Variants in THSD4 observed in about 807,000 individuals in gnomAD.
THSD4 encodes the protein thrombospondin type-1 domain-containing protein 4.
THSD4 carries 69 observed loss-of-function variants against 119.0 expected under a neutral mutation model. The observed-to-expected ratio is 0.58, with a 90% CI of 0.48 to 0.71. The LOEUF (loss-of-function observed/expected upper bound fraction) is 0.71, where lower values mean the gene tolerates loss of function less well. THSD4 is among the 30% of genes least tolerant of loss of function. THSD4 has a pLI of 0.00. For synonymous variants in THSD4, 524 were observed against 540.4 expected, an observed-to-expected ratio of 0.97 and a Z score of 0.42; for missense variants, 1,393 against 1,391.1, an observed-to-expected ratio of 1.00 and a Z score of -0.02.
chr15:71,296,912 T>G (rs2044870420), intron 6 of THSD4, among the ~76,000 whole-genome samples: 1 of 152,198 alleles, frequency 6.6e-6, no homozygotes. Flanking sequence ...ATCGACATCA[T>G]GAAGTCTCTT....
rs1292833425 is a variant in THSD4 at position 71,376,733 on chromosome 15, G to A, written c.1016-34954G>A. On this transcript the variant is annotated intron_variant, in intron 6 of 17. Transcript: ENST00000261862. ...AGGTGATGGGACCAGTATAAGCAAAGGCATGAGGTCAGAATATGAAAAATA... is the reference window on the plus strand; with the variant it reads ...AGGTGATGGGACCAGTATAAGCAAAAGCATGAGGTCAGAATATGAAAAATA... Among the ~76,000 whole-genome samples, 4 of 152,162 alleles carry A rather than the reference G, an allele frequency of 2.6e-5. No individual in the cohort carries two copies. The East Asian group carries it at 7.7e-4, about 29-fold the overall frequency.
At chr15:71,279,069 C>T (rs1480729217) in intron 6 of THSD4, among the ~76,000 whole-genome samples, 2 of 152,130 alleles carry the variant, frequency 1.3e-5, no homozygotes, top group Admixed American at 6.5e-5. Flanking sequence ...TTTGAGGAAA[C>T]TTTGAGTACA....
intron 3 of THSD4, among the ~76,000 whole-genome samples, chr15:71,206,132 C>T (rs1000393955): frequency 6.6e-6 from 1 of 152,152 alleles, no homozygotes; most frequent in African/African-American, 2.4e-5. Flanking sequence ...CTGCCTCAGC[C>T]TCCCGAGTAG....
chr15:71,502,310 A>T (rs552905314), intron 7 of THSD4, among the ~76,000 whole-genome samples: 1 of 152,216 alleles, frequency 6.6e-6, no homozygotes, highest in Non-Finnish European at 1.5e-5. Flanking sequence ...AACACTTATC[A>T]TGTGCTATGG....
chr15:71,777,504 C>G lies in THSD4; in HGVS notation c.*130C>G. On this transcript the variant is annotated 3_prime_UTR_variant, in exon 18 of 18. Transcript: ENST00000261862. The stretch of plus-strand genomic sequence containing the variant: ...CTGCCAACCAACTTAGTCACCACCC[C>G]TGCCTCCGGTGAATGCACCCCGTGG... The G allele has an allele frequency of 7.7e-7, 1 of 1,303,422 alleles. No homozygotes were observed. The highest frequency in any genetic ancestry group is 1.0e-6 in the Non-Finnish European group (1 of 967,408). 80.7% of individuals were successfully genotyped at this position (1,303,422 alleles called of 1,614,324 possible). A position where few individuals can be genotyped will look rare whatever the true frequency, so the allele number is the denominator to read the frequency against.
chr15:71,754,235 G>A (rs2053499232), intron 14 of THSD4, among the ~76,000 whole-genome samples: 1 of 151,870 alleles, frequency 6.6e-6, no homozygotes, highest in Non-Finnish European at 1.5e-5. Flanking sequence ...AATTACAGGT[G>A]CACACCATCA....
intron 8 of THSD4, among the ~76,000 whole-genome samples, chr15:71,661,454 G>A (rs2051306190): frequency 6.6e-6 from 1 of 150,578 alleles, no homozygotes; most frequent in Non-Finnish European, 1.5e-5. Flanking sequence ...CGAGTGCAGT[G>A]GTGCGATTTT....
At chr15:71,564,619 G>A (rs1339083496) in intron 7 of THSD4, among the ~76,000 whole-genome samples, 2 of 129,178 alleles carry the variant, frequency 1.5e-5, no homozygotes, top group African/African-American at 2.7e-5. Context: ...TACATTATGC[G>A]TAATACAATA....
At chr15:71,425,615 G>A (rs2046857455) in intron 7 of THSD4, among the ~76,000 whole-genome samples, 1 of 152,154 alleles carries the variant, frequency 6.6e-6, no homozygotes, top group Non-Finnish European at 1.5e-5. Flanking sequence ...CCTACTGGTT[G>A]GTGCTTTCAT....
At chr15:71,214,874 C>T (rs548846830) in intron 3 of THSD4, among the ~76,000 whole-genome samples, 161 bp from the exon 4 acceptor site, 234 of 152,300 alleles carry the variant, frequency 1.5e-3, no homozygotes, top group African/African-American at 5.4e-3. Context: ...GCCCTCTTTC[C>T]TCCAAAAACC....
chr15:71,731,189 C>A lies in THSD4; in HGVS notation c.1602C>A (p.Ser534Arg). The A allele has an allele frequency of 3.1e-6, 5 of 1,614,082 alleles. No homozygotes were observed. Among genetic ancestry groups the A allele is most frequent in the Non-Finnish European group, 4.2e-6 (5 of 1,179,968 alleles). Residue 534 changes from serine to arginine, a missense_variant, in exon 10 of 18, where the codon AGC (serine) becomes AGA (arginine). By Grantham distance (110) the Ser-to-Arg change is moderately radical. Coordinates refer to ENST00000261862, the MANE Select transcript of THSD4 (RefSeq NM_024817.3). The stretch of plus-strand genomic sequence containing the variant: ...TGATCATGGGGACCAACGCCATCAG[C>A]CCCCAGGTGCCACCCCACAGGAGAC... Reference protein sequence around the residue: ...EYVIMGTNAISPQVPPHRRPG... With the variant: ...EYVIMGTNAIRPQVPPHRRPG...
intron 5 of THSD4, among the ~76,000 whole-genome samples, chr15:71,251,020 C>G (rs77940300): frequency 8.0e-4 from 122 of 152,294 alleles, no homozygotes; most frequent in African/African-American, 2.8e-3. Flanking sequence ...TTCCCCAACT[C>G]TTTGGACAAA....
chr15:71,523,870 T>G (rs752876320), intron 7 of THSD4, among the ~76,000 whole-genome samples: 5 of 151,100 alleles, frequency 3.3e-5, no homozygotes, highest in Non-Finnish European at 7.4e-5. Flanking sequence ...TCAGTAGCTA[T>G]TGTGTGAGGG....
At chr15:71,628,759 C>T (rs1234252946) in intron 7 of THSD4, among the ~76,000 whole-genome samples, 9 of 152,222 alleles carry the variant, frequency 5.9e-5, no homozygotes, top group African/African-American at 1.7e-4. Context: ...AATTTGGTGA[C>T]TCTTCCCCAG....
chr15:71,638,236 T>C (rs2050788319), intron 7 of THSD4, among the ~76,000 whole-genome samples: 1 of 152,242 alleles, frequency 6.6e-6, no homozygotes, highest in Non-Finnish European at 1.5e-5. Flanking sequence ...AACATTGAGC[T>C]GATAGCACAT....
chr15:71,716,590 GT>G (rs11433832), intron 8 of THSD4, among the ~76,000 whole-genome samples: 50,510 of 143,348 alleles, frequency 0.35, 9,566 homozygotes, highest in African/African-American at 0.51. Flanking sequence ...GTTGGTTTTT[GT>G]TTTTTTTTTT....
chr15:71,441,272 G>A (rs2047084502), intron 7 of THSD4, among the ~76,000 whole-genome samples: 1 of 38,964 alleles, frequency 2.6e-5, no homozygotes, highest in African/African-American at 8.0e-5. Context: ...AGCAAAGACA[G>A]GCAGTGACCA....
chr15:71,430,438 A>G (rs984776582), intron 7 of THSD4, among the ~76,000 whole-genome samples: 2 of 152,188 alleles, frequency 1.3e-5, no homozygotes, highest in Non-Finnish European at 2.9e-5. Flanking sequence ...GAAAATTTTT[A>G]TAAGGAATCT....
At chr15:71,586,177 C>G (rs986475545) in intron 7 of THSD4, among the ~76,000 whole-genome samples, 1 of 152,108 alleles carries the variant, frequency 6.6e-6, no homozygotes, top group Admixed American at 6.6e-5. Context: ...GGGGCAGATA[C>G]CTCTTCTAGT....
Sources: gnomAD v4.1 joint callset for allele counts (sites outside exome capture counted in the v4.1 genomes callset) on GRCh38, gnomAD v4.1.1 for gene constraint, MANE v1.5 for transcripts, NCBI Gene and HGNC (gene_info 2026-07-23, HGNC 2026-07-21) for gene names.